The following TMEM132D variants were observed in gnomAD, a reference collection of about 807,000 sequenced individuals.
TMEM132D encodes the protein mature OL transmembrane protein.
Under a neutral mutation model 62.3 loss-of-function variants are expected in TMEM132D, and 21 were observed. The ratio of observed to expected loss-of-function variants is 0.34; its 90% CI spans 0.24 to 0.49. The LOEUF (loss-of-function observed/expected upper bound fraction) is 0.49. Ranked by LOEUF, TMEM132D falls within the 20% of genes least tolerant of loss-of-function variation. The pLI is 0.99. For missense variants in TMEM132D, 1,346 were observed against 1,402.8 expected (o/e 0.96, Z 0.65); for synonymous variants, 621 against 575.6 (o/e 1.08, Z -1.13).
intron 2 of TMEM132D, among the ~76,000 whole-genome samples, chr12:129,534,587 CTT>C (rs1263115214): frequency 1.3e-5 from 2 of 152,154 alleles, no homozygotes; most frequent in Admixed American, 1.3e-4. Flanking sequence ...TACCCAATCT[CTT>C]TCCTGGATAG....
intron 1 of TMEM132D, among the ~76,000 whole-genome samples, chr12:129,782,059 T>C (rs540656365): frequency 2.0e-5 from 3 of 152,306 alleles, no homozygotes; most frequent in East Asian, 1.9e-4. Context: ...AATGTAAGAA[T>C]AGACATGTGA....
intron 2 of TMEM132D, among the ~76,000 whole-genome samples, chr12:129,616,390 T>C (rs1456392990): frequency 2.6e-5 from 4 of 152,100 alleles, no homozygotes; most frequent in Admixed American, 6.5e-5. Context: ...TTCTTTTTCA[T>C]TGAGGGGCAC....
chr12:129,553,967 G>A (rs1046410317), intron 2 of TMEM132D, among the ~76,000 whole-genome samples: 5 of 152,050 alleles, frequency 3.3e-5, no homozygotes, highest in Admixed American at 6.5e-5. Flanking sequence ...CTTTCTTTCC[G>A]GGTCTCTCCA....
At chr12:129,393,270 T>C (rs1337612601) in intron 3 of TMEM132D, among the ~76,000 whole-genome samples, 5 of 152,200 alleles carry the variant, frequency 3.3e-5, no homozygotes, top group Admixed American at 6.5e-5. Flanking sequence ...GCAATACACA[T>C]TGGTTGAATG....
chr12:129,656,952 CAAG>C (rs1183085541), intron 2 of TMEM132D, among the ~76,000 whole-genome samples: 2 of 152,166 alleles, frequency 1.3e-5, no homozygotes, highest in African/African-American at 2.4e-5. Context: ...GAAATTTTCT[CAAG>C]AAGACAGAAA....
At chr12:129,434,804 A>C (rs1035026764) in intron 3 of TMEM132D, among the ~76,000 whole-genome samples, 3 of 152,146 alleles carry the variant, frequency 2.0e-5, no homozygotes, top group African/African-American at 7.2e-5. Context: ...AACATTTGTC[A>C]TTTCTTTGGT....
rs1312488532 is a variant in TMEM132D at position 129,621,546 on chromosome 12, T to C, written c.968+78264A>G. On this transcript the variant is annotated intron_variant, in intron 2 of 8. Coordinates refer to ENST00000422113, the MANE Select transcript of TMEM132D (RefSeq NM_133448.3). Reference sequence around the variant, plus strand: ...GCACCACCGATGCACCCAGTGAATGTTTGATATTAACATTCTCTCCCCACT... The same window carrying C: ...GCACCACCGATGCACCCAGTGAATGCTTGATATTAACATTCTCTCCCCACT... Among the ~76,000 whole-genome samples, 3 of 152,106 alleles carry C rather than the reference T, an allele frequency of 2.0e-5. No individual in the cohort carries two copies. In the East Asian group the frequency reaches 5.8e-4, roughly 29 times the overall value.
intron 4 of TMEM132D, among the ~76,000 whole-genome samples, chr12:129,303,871 C>T (rs1003976034): frequency 6.6e-6 from 1 of 152,106 alleles, no homozygotes; most frequent in Non-Finnish European, 1.5e-5. Flanking sequence ...TGTCTACAGA[C>T]CTGAGAACCA....
intron 5 of TMEM132D, among the ~76,000 whole-genome samples, chr12:129,149,754 A>C (rs1365845374): frequency 1.3e-5 from 2 of 152,122 alleles, no homozygotes; most frequent in Non-Finnish European, 2.9e-5. Context: ...GCTGCCCAAC[A>C]CTGGGGGGCT....
chr12:129,498,592 T>G (rs1333485531), intron 3 of TMEM132D, among the ~76,000 whole-genome samples: 2 of 152,180 alleles, frequency 1.3e-5, no homozygotes, highest in African/African-American at 2.4e-5. Context: ...TTCCAACATC[T>G]TTTTCCTTCT....
At chr12:129,216,165 G>A (rs902243002) in intron 4 of TMEM132D, among the ~76,000 whole-genome samples, 2 of 152,146 alleles carry the variant, frequency 1.3e-5, no homozygotes, top group Non-Finnish European at 2.9e-5. Context: ...TATAACATGA[G>A]CATAATGATG....
intron 1 of TMEM132D, among the ~76,000 whole-genome samples, chr12:129,860,156 C>A (rs894741354): frequency 6.6e-6 from 1 of 152,176 alleles, no homozygotes; most frequent in Non-Finnish European, 1.5e-5. Flanking sequence ...ACTAACACGG[C>A]CCCACTCTGC....
At chr12:129,174,712 T>G (rs1205123469) in intron 5 of TMEM132D, among the ~76,000 whole-genome samples, 3 of 152,186 alleles carry the variant, frequency 2.0e-5, no homozygotes, top group Non-Finnish European at 4.4e-5. Flanking sequence ...AAAAGTGTTC[T>G]TATTTCTCCA....
intron 3 of TMEM132D, among the ~76,000 whole-genome samples, chr12:129,454,835 ATGGCAGGCAGTCAGT>A (rs1396793707): frequency 1.3e-5 from 2 of 152,128 alleles, no homozygotes; most frequent in Non-Finnish European, 2.9e-5. Flanking sequence ...ACAATCCAAG[ATGGCAGGCAGTCAGT>A]CTGTTTTCCT....
In TMEM132D at chr12:129,424,149, A is replaced by T. The variant is rs993904811; in HGVS notation, c.1116-86332T>A. ...AATAATTCTAATGAAATGTAGGAGCATCTCTCTGTATGGATGATTTACTTT... is the reference window on the plus strand; with the variant it reads ...AATAATTCTAATGAAATGTAGGAGCTTCTCTCTGTATGGATGATTTACTTT... On this transcript the variant is annotated intron_variant, in intron 3 of 8. Coordinates refer to ENST00000422113, the MANE Select transcript of TMEM132D (RefSeq NM_133448.3). Among the ~76,000 whole-genome samples the T allele has an allele frequency of 2.0e-5, 3 of 152,098 alleles. No individual in the cohort carries two copies. In the East Asian group the frequency reaches 5.8e-4, roughly 29 times the overall value.
At chr12:129,863,218 A>C (rs1375557155) in intron 1 of TMEM132D, among the ~76,000 whole-genome samples, 1 of 152,202 alleles carries the variant, frequency 6.6e-6, no homozygotes, top group South Asian at 2.1e-4. Flanking sequence ...TTTACAGAAC[A>C]GGGAGGCATG....
chr12:129,259,585 T>A (rs1880499682), intron 4 of TMEM132D, among the ~76,000 whole-genome samples: 1 of 152,092 alleles, frequency 6.6e-6, no homozygotes, highest in Non-Finnish European at 1.5e-5. Context: ...TCATAACCTA[T>A]CTTACATATT....
At chr12:129,747,194 C>CCG (rs1445201661) in intron 1 of TMEM132D, among the ~76,000 whole-genome samples, 22 of 99,386 alleles carry the variant, frequency 2.2e-4, no homozygotes, top group African/African-American at 2.5e-4. Flanking sequence ...CTCCCTCCTC[C>CCG]CTCTCCTTCT....
Position 129,133,099 on chromosome 12 carries a change from G to A in TMEM132D, c.1444-48397C>T, listed in dbSNP as rs1351077493. Among the ~76,000 whole-genome samples, 4 of 152,158 alleles carry A rather than the reference G, an allele frequency of 2.6e-5. No homozygotes were observed. In the South Asian group the frequency reaches 8.3e-4, roughly 32 times the overall value. ...GACATCCTCAGGCTGTGCTGCAGTC[G>A]GGGGTTCCTCCCTAATCCTTCTTGC... On this transcript the variant is annotated intron_variant, in intron 5 of 8. Coordinates refer to ENST00000422113, the MANE Select transcript of TMEM132D (RefSeq NM_133448.3).
Sources: allele counts gnomAD v4.1 joint callset (sites outside exome capture counted in the v4.1 genomes callset), GRCh38; gene constraint gnomAD v4.1.1; transcripts MANE v1.5; gene names NCBI Gene and HGNC (gene_info 2026-07-23, HGNC 2026-07-21).